AUTS2: variants seen among roughly 807,000 people sequenced by gnomAD.
AUTS2 encodes autism susceptibility gene 2 protein.
Under a neutral mutation model 112.4 loss-of-function variants are expected in AUTS2, and 17 were observed. The observed-to-expected ratio is 0.15, with a 90% CI of 0.10 to 0.23. The LOEUF is 0.23. Among genes scored for constraint, AUTS2 ranks in the 10% least tolerant of loss-of-function variants. The pLI, the probability that AUTS2 is intolerant of heterozygous loss-of-function variation, is 1.00. For missense variants in AUTS2, 1,510 were observed against 1,701.6 expected (o/e 0.89, Z 1.98); for synonymous variants, 751 against 702.7 (o/e 1.07, Z -1.09).
At chr7:70,567,161 T>A (rs544157223) in intron 5 of AUTS2, among the ~76,000 whole-genome samples, 1 of 152,340 alleles carries the variant, frequency 6.6e-6, no homozygotes, top group South Asian at 2.1e-4. Context: ...TGTGTTCATG[T>A]CTCGATCCAA....
intron 1 of AUTS2, among the ~76,000 whole-genome samples, chr7:69,890,461 G>C (rs183495533): frequency 6.6e-6 from 1 of 152,004 alleles, no homozygotes; most frequent in East Asian, 1.9e-4. Context: ...TCTTTATTTA[G>C]ATTCCATATG....
chr7:70,465,335 TA>T (rs1206391809), intron 5 of AUTS2, among the ~76,000 whole-genome samples: 2 of 152,144 alleles, frequency 1.3e-5, no homozygotes, highest in African/African-American at 4.8e-5. Context: ...AACCTCTCAG[TA>T]GGAGAGGTTT....
At chr7:69,617,878 A>G (rs1452515458) in intron 1 of AUTS2, among the ~76,000 whole-genome samples, 5 of 152,100 alleles carry the variant, frequency 3.3e-5, no homozygotes, top group Admixed American at 2.0e-4. Context: ...AGTCATCACA[A>G]AGTGGGAAAC....
intron 2 of AUTS2, among the ~76,000 whole-genome samples, chr7:70,027,010 A>G (rs1800552052): frequency 6.6e-6 from 1 of 152,130 alleles, no homozygotes; most frequent in Non-Finnish European, 1.5e-5. Context: ...AGTATCCAAT[A>G]AAGTGTGACA....
intron 2 of AUTS2, among the ~76,000 whole-genome samples, chr7:69,946,766 A>G (rs1455356603): frequency 1.3e-5 from 2 of 152,186 alleles, no homozygotes; most frequent in Non-Finnish European, 2.9e-5. Flanking sequence ...GATGGGCATC[A>G]TATTTTTGTG....
chr7:70,055,778 A>AATTTTAAGG (rs1801964564), intron 2 of AUTS2, among the ~76,000 whole-genome samples: 2 of 152,160 alleles, frequency 1.3e-5, no homozygotes, highest in South Asian at 4.1e-4. Flanking sequence ...GAATTAACAA[A>AATTTTAAGG]ATTTTAAGGG....
At chr7:69,912,610 A>G (rs906578174) in intron 2 of AUTS2, among the ~76,000 whole-genome samples, 1 of 151,974 alleles carries the variant, frequency 6.6e-6, no homozygotes, top group Admixed American at 6.5e-5. Flanking sequence ...GAGTTTAAAA[A>G]CCGTTTTCAT....
intron 5 of AUTS2, among the ~76,000 whole-genome samples, chr7:70,569,491 C>A (rs1801850128): frequency 6.6e-6 from 1 of 152,206 alleles, no homozygotes; most frequent in South Asian, 2.1e-4. Context: ...ATATTGGTTA[C>A]CCTTCAGTGC....
chr7:70,562,793 G>A (rs1353896738), intron 5 of AUTS2, among the ~76,000 whole-genome samples: 3 of 152,152 alleles, frequency 2.0e-5, no homozygotes, highest in African/African-American at 7.2e-5. Flanking sequence ...AAGAACAGTT[G>A]GAATAACTAT....
At chr7:70,757,807 C>CTTTTT (rs3974412) in intron 6 of AUTS2, among the ~76,000 whole-genome samples, 1,375 of 60,250 alleles carry the variant, frequency 0.023, 72 homozygotes, top group African/African-American at 0.036. Context: ...TCCATGGCTT[C>CTTTTT]TTTTTTTTTT....
At chr7:70,494,786 G>A (rs1449583593) in intron 5 of AUTS2, among the ~76,000 whole-genome samples, 2 of 152,154 alleles carry the variant, frequency 1.3e-5, no homozygotes, top group Non-Finnish European at 2.9e-5. Flanking sequence ...AAACATCACA[G>A]GTTGACATCC....
intron 1 of AUTS2, among the ~76,000 whole-genome samples, chr7:69,777,520 A>C (rs539164296): frequency 6.6e-6 from 1 of 152,262 alleles, no homozygotes; most frequent in African/African-American, 2.4e-5. Flanking sequence ...TTTCTTGGAA[A>C]GCTGTGTTTT....
intron 5 of AUTS2, among the ~76,000 whole-genome samples, chr7:70,534,489 C>T (rs530033306): frequency 2.6e-4 from 39 of 152,200 alleles, no homozygotes; most frequent in African/African-American, 9.4e-4. Flanking sequence ...TGCAGTGGCA[C>T]AATCTCAGCT....
chr7:70,335,817 C>G (rs1463023185), intron 4 of AUTS2, among the ~76,000 whole-genome samples: 1 of 152,156 alleles, frequency 6.6e-6, no homozygotes, highest in East Asian at 1.9e-4. Context: ...CCTTTATTTC[C>G]TTATCACCAT....
intron 4 of AUTS2, among the ~76,000 whole-genome samples, chr7:70,322,034 G>A (rs1043635465): frequency 6.6e-6 from 1 of 152,104 alleles, no homozygotes; most frequent in Non-Finnish European, 1.5e-5. Context: ...AATTCAAAAG[G>A]TTACTTAGAG....
At chr7:70,778,209 A>AAAG (rs1471414861) in intron 14 of AUTS2, among the ~76,000 whole-genome samples, 4 of 152,234 alleles carry the variant, frequency 2.6e-5, no homozygotes, top group Non-Finnish European at 5.9e-5. Flanking sequence ...CTTAGGGAAC[A>AAAG]AAGTAACTGA....
chr7:69,708,978 A>C (rs949276321), intron 1 of AUTS2, among the ~76,000 whole-genome samples: 1 of 152,218 alleles, frequency 6.6e-6, no homozygotes, highest in African/African-American at 2.4e-5. Context: ...AAAGTAGCTC[A>C]GACATCCCTG....
At chr7:70,773,195 G>A (rs905467088) in intron 11 of AUTS2, among the ~76,000 whole-genome samples, 1 of 152,034 alleles carries the variant, frequency 6.6e-6, no homozygotes, top group African/African-American at 2.4e-5. Context: ...TTGTAGGCAA[G>A]CTTCGGGCCT....
rs143150136 is a variant in AUTS2, at chr7:70,736,610, A to G, written c.743-26260A>G. ...TAATGCATAAATTAGTTGAATGTTC[A>G]TCCATCCAAAGAGGGATTTCTTCTG... On this transcript the variant is annotated intron_variant, in intron 6 of 18. Transcript: ENST00000342771. Among the ~76,000 whole-genome samples the G allele has an allele frequency of 2.3e-3, 346 of 152,302 alleles. 1 individual carries two copies. Among genetic ancestry groups the G allele is most frequent in the African/African-American group, 7.6e-3 (314 of 41,562 alleles).
Sources: allele counts gnomAD v4.1 joint callset (sites outside exome capture counted in the v4.1 genomes callset), GRCh38; gene constraint gnomAD v4.1.1; transcripts MANE v1.5; gene names NCBI Gene and HGNC (gene_info 2026-07-23, HGNC 2026-07-21).